The following AIG1 variants were observed in gnomAD, a reference collection of about 807,000 sequenced individuals.
AIG1 encodes androgen-induced gene 1 protein.
In AIG1, 23 loss-of-function variants were observed where a neutral mutation model predicts 31.4. The observed-to-expected ratio is 0.73, with a 90% CI of 0.53 to 1.04. The LOEUF (loss-of-function observed/expected upper bound fraction) is 1.04. Ranked by LOEUF, AIG1 falls within the 50% of genes least tolerant of loss-of-function variation. AIG1 has a pLI of 0.00. For synonymous variants in AIG1, 100 were observed against 110.5 expected, an observed-to-expected ratio of 0.90 and a Z score of 0.60; for missense variants, 274 against 295.0, an observed-to-expected ratio of 0.93 and a Z score of 0.52.
At chr6:143,200,465 AC>A (rs973390463) in intron 3 of AIG1, among the ~76,000 whole-genome samples, 11 of 151,942 alleles carry the variant, frequency 7.2e-5, no homozygotes, top group African/African-American at 2.7e-4. Context: ...CCATATCTCT[AC>A]TTTATTTCTC....
intron 4 of AIG1, among the ~76,000 whole-genome samples, chr6:143,303,709 G>T (rs1799015574): frequency 6.7e-6 from 1 of 149,522 alleles, no homozygotes; most frequent in Non-Finnish European, 1.5e-5. Flanking sequence ...GGCGATGCGG[G>T]CTCTTTTTTG....
chr6:143,289,825 T>C (rs898163323), intron 4 of AIG1, among the ~76,000 whole-genome samples: 2 of 152,190 alleles, frequency 1.3e-5, no homozygotes, highest in African/African-American at 4.8e-5. Context: ...CATGAATGAG[T>C]AAAATTTTTA....
chr6:143,176,460 A>T (rs528631040), intron 3 of AIG1, among the ~76,000 whole-genome samples: 1 of 152,234 alleles, frequency 6.6e-6, no homozygotes, highest in African/African-American at 2.4e-5. Context: ...GAGAAAGACT[A>T]TCAGGCTGGG....
chr6:143,258,565 T>C lies in AIG1; in HGVS notation c.400-25545T>C, dbSNP rs142389138. Among the ~76,000 whole-genome samples the C allele has an allele frequency of 2.1e-3, 323 of 152,320 alleles. No homozygotes were observed. Among genetic ancestry groups the C allele is most frequent in the African/African-American group, 7.3e-3 (302 of 41,564 alleles). Reference sequence around the variant, plus strand: ...CAGCCTCTGCCAGCTAATGGAGGTATTTTATGGGCTTTATTGGCAGAGAGA... The same window carrying C: ...CAGCCTCTGCCAGCTAATGGAGGTACTTTATGGGCTTTATTGGCAGAGAGA... On this transcript the variant is annotated intron_variant, in intron 3 of 5. Transcript: ENST00000357847. This position sits in a 1 kb window ranked among gnomAD's most constrained non-coding sequence, Gnocchi z 4.7.
chr6:143,318,627 T>C (rs1179223843), intron 4 of AIG1, among the ~76,000 whole-genome samples: 2 of 150,710 alleles, frequency 1.3e-5, no homozygotes, highest in Non-Finnish European at 3.0e-5. Context: ...CAAAGATAAA[T>C]AGATGAAACT....
Position 143,247,111 on chromosome 6 carries a change from G to A in AIG1, c.400-36999G>A, listed in dbSNP as rs1794673777. Among the ~76,000 whole-genome samples, 10 of 149,648 alleles carry A rather than the reference G, an allele frequency of 6.7e-5. No homozygotes were observed. The South Asian group carries it at 2.2e-3, about 33-fold the overall frequency. On this transcript the variant is annotated intron_variant, in intron 3 of 5. Coordinates refer to ENST00000357847, the MANE Select transcript of AIG1 (RefSeq NM_016108.4). ...TATGGATGAAATATTGTCAACCAGG[G>A]AAGCTCACCTGGGCTTTGGTGTCCA... is the stretch of plus-strand genomic sequence containing the variant.
At chr6:143,304,979 A>T (rs1432509074) in intron 4 of AIG1, among the ~76,000 whole-genome samples, 2 of 152,082 alleles carry the variant, frequency 1.3e-5, no homozygotes, top group Admixed American at 6.5e-5. Context: ...CCAGGAATTT[A>T]TCCATTTCTT....
chr6:143,168,017 T>C (rs1787128434), intron 3 of AIG1, among the ~76,000 whole-genome samples: 1 of 152,214 alleles, frequency 6.6e-6, no homozygotes, highest in Non-Finnish European at 1.5e-5. Context: ...ACCATGATGC[T>C]GATCCTTTAG....
At position 143,340,423 on chromosome 6, in the gene AIG1, T is replaced by TA. The variant is rs1777809039; in HGVS notation, c.*753dup. ...GTTCTTTCCTATAATTTTTGGATTT[T>TA]AAAAAATGTGAATCTTTTTGATAAC... On this transcript the variant is annotated 3_prime_UTR_variant, in exon 6 of 6. Coordinates refer to ENST00000357847, the MANE Select transcript of AIG1 (RefSeq NM_016108.4). 1 of 151,938 alleles carries TA rather than the reference T, an allele frequency of 6.6e-6. No individual in the cohort carries two copies. The highest frequency in any genetic ancestry group is 2.4e-5 in the African/African-American group (1 of 41,290). 9.4% of individuals were successfully genotyped at this position (151,938 alleles called of 1,614,324 possible).
At chr6:143,194,843 G>T (rs552907661) in intron 3 of AIG1, among the ~76,000 whole-genome samples, 3 of 152,154 alleles carry the variant, frequency 2.0e-5, no homozygotes, top group Non-Finnish European at 2.9e-5. Flanking sequence ...CAGCTCTCTA[G>T]ACCAGAACCA....
intron 4 of AIG1, among the ~76,000 whole-genome samples, chr6:143,301,909 A>T (rs1798851783): frequency 6.6e-6 from 1 of 152,234 alleles, no homozygotes; most frequent in Non-Finnish European, 1.5e-5. Flanking sequence ...TGTGACAACA[A>T]GGCAAGGCAT....
chr6:143,258,861 C>T lies in AIG1; in HGVS notation c.400-25249C>T, dbSNP rs563142105. Reference sequence around the variant, plus strand: ...GGACCCTCATGAATAGATGGATGTCCTCGTGCAGGAATGGATTAGTTACCA... The same window carrying T: ...GGACCCTCATGAATAGATGGATGTCTTCGTGCAGGAATGGATTAGTTACCA... On this transcript the variant is annotated intron_variant, in intron 3 of 5. Transcript: ENST00000357847. The surrounding 1 kb of genome is among the most constrained non-coding windows in gnomAD (Gnocchi z 4.7). 1.3e-5 allele frequency among the ~76,000 whole-genome samples: 2 copies of T among 152,118 alleles called. No homozygotes were observed. Among genetic ancestry groups the T allele is most frequent in the African/African-American group, 4.8e-5 (2 of 41,424 alleles).
chr6:143,082,204 C>T (rs1057461244), intron 1 of AIG1, among the ~76,000 whole-genome samples: 6 of 152,144 alleles, frequency 3.9e-5, no homozygotes, highest in African/African-American at 1.4e-4. Flanking sequence ...TTAGTTCTGC[C>T]AGCTGAGTGC....
chr6:143,293,415 T>G lies in AIG1; in HGVS notation c.515+9190T>G, dbSNP rs1248777968. On this transcript the variant is annotated intron_variant, in intron 4 of 5. Coordinates refer to ENST00000357847, the MANE Select transcript of AIG1 (RefSeq NM_016108.4). The surrounding 1 kb of genome is among the most constrained non-coding windows in gnomAD (Gnocchi z 4.8). ...GAGAATGTCATTGCTTTCCCATTAT[T>G]CCAATCTGCGTATTTTTACAAGCAC... Among the ~76,000 whole-genome samples the G allele has an allele frequency of 6.6e-6, 1 of 152,192 alleles. No homozygotes were observed. The highest frequency in any genetic ancestry group is 2.4e-5 in the African/African-American group (1 of 41,448).
chr6:143,189,746 C>A (rs1168377880), intron 3 of AIG1: 5 of 985,080 alleles, frequency 5.1e-6, no homozygotes, highest in Non-Finnish European at 6.0e-6. Flanking sequence ...TAATTTAGAG[C>A]CCTCTTATAT....
chr6:143,077,441 C>T (rs1777836836), intron 1 of AIG1, among the ~76,000 whole-genome samples: 1 of 152,130 alleles, frequency 6.6e-6, no homozygotes, highest in Non-Finnish European at 1.5e-5. Context: ...TGCCTTCATT[C>T]CTGAAGGATA....
intron 3 of AIG1, among the ~76,000 whole-genome samples, chr6:143,274,985 T>C (rs1796796227): frequency 1.3e-5 from 2 of 152,218 alleles, no homozygotes; most frequent in South Asian, 4.1e-4. Flanking sequence ...TTTCTGCACA[T>C]CCAGTTAATG....
At position 143,284,269 on chromosome 6, in the gene AIG1, G is replaced by A; in HGVS notation, c.515+44G>A. The A allele has an allele frequency of 3.5e-6, 5 of 1,433,416 alleles. No homozygotes were observed. The highest frequency in any genetic ancestry group is 4.9e-6 in the Non-Finnish European group (5 of 1,026,256). The allele number at this position is 1,433,416 out of a possible 1,614,324, so 88.8% of individuals were successfully genotyped here. A position where few individuals can be genotyped will look rare whatever the true frequency, so the allele number is the denominator to read the frequency against. The stretch of plus-strand genomic sequence containing the variant: ...GGGCTTTCTTATTGTATTAGATTTT[G>A]CACTGCTAAATTTGGGCACATATTT... On this transcript the variant is annotated intron_variant, in intron 4 of 5. Transcript: ENST00000357847. This position sits in a 1 kb window ranked among gnomAD's most constrained non-coding sequence, Gnocchi z 4.4.
Position 143,259,683 on chromosome 6 carries a change from A to G in AIG1, c.400-24427A>G, listed in dbSNP as rs142333148. ...TGCGTGCTCATAACCAAAATTGGGA[A>G]CGTACCCCCAAACTTAGTTCACTGC... On this transcript the variant is annotated intron_variant, in intron 3 of 5. Coordinates refer to ENST00000357847, the MANE Select transcript of AIG1 (RefSeq NM_016108.4). 1.6e-3 allele frequency among the ~76,000 whole-genome samples: 245 copies of G among 152,320 alleles called. 1 individual carries two copies. Among genetic ancestry groups the G allele is most frequent in the African/African-American group, 5.7e-3 (235 of 41,560 alleles).
Sources: gnomAD v4.1 joint callset for allele counts (sites outside exome capture counted in the v4.1 genomes callset) on GRCh38, gnomAD v4.1.1 for gene constraint, Gnocchi (gnomAD v3.1) non-coding constraint, MANE v1.5 for transcripts, NCBI Gene and HGNC (gene_info 2026-07-23, HGNC 2026-07-21) for gene names.